Variants in IKZF2 observed in about 807,000 individuals in gnomAD.
The protein encoded by IKZF2 is IKAROS family zinc finger 2.
A neutral mutation model predicts 49.2 loss-of-function variants in IKZF2; 15 were observed. The observed-to-expected ratio is 0.30, with a 90% CI of 0.20 to 0.47. IKZF2 has a LOEUF of 0.47. Ranked by LOEUF, IKZF2 falls within the 20% of genes least tolerant of loss-of-function variation. IKZF2 has a pLI of 1.00. For synonymous variants in IKZF2, 227 were observed against 221.4 expected, an observed-to-expected ratio of 1.03 and a Z score of -0.23; for missense variants, 567 against 664.6, an observed-to-expected ratio of 0.85 and a Z score of 1.61.
chr2:213,121,878 A>C (rs1440851715), intron 4 of IKZF2, among the ~76,000 whole-genome samples: 1 of 152,240 alleles, frequency 6.6e-6, no homozygotes, highest in Non-Finnish European at 1.5e-5. Flanking sequence ...ACAGATGCAC[A>C]AACTCCCTGG....
At chr2:213,043,728 G>T (rs1230358334) in intron 6 of IKZF2, among the ~76,000 whole-genome samples, 2 of 152,114 alleles carry the variant, frequency 1.3e-5, no homozygotes, top group African/African-American at 4.8e-5. Flanking sequence ...TTCACAATAG[G>T]GTGCGTGCCT....
intron 4 of IKZF2, among the ~76,000 whole-genome samples, chr2:213,097,685 G>A (rs1030836343): frequency 6.6e-6 from 1 of 152,056 alleles, no homozygotes; most frequent in African/African-American, 2.4e-5. Flanking sequence ...TATTACGGGT[G>A]ATTGTATCAT....
chr2:213,011,993 G>A (rs1434019384), intron 8 of IKZF2, among the ~76,000 whole-genome samples: 2 of 151,962 alleles, frequency 1.3e-5, no homozygotes, highest in Non-Finnish European at 2.9e-5. Flanking sequence ...AAAAGAGAGG[G>A]AGAGACAAGT....
intron 4 of IKZF2, among the ~76,000 whole-genome samples, chr2:213,132,942 C>T (rs569353218): frequency 2.0e-5 from 3 of 152,258 alleles, no homozygotes; most frequent in East Asian, 3.9e-4. Context: ...TCTTTTCAAA[C>T]AAAAATTCTG....
chr2:213,127,793 A>G (rs1419663563), intron 4 of IKZF2, among the ~76,000 whole-genome samples: 2 of 152,210 alleles, frequency 1.3e-5, no homozygotes, highest in African/African-American at 2.4e-5. Context: ...TCTTTTCTAA[A>G]GAATTATAAC....
At chr2:213,048,358 A>C (rs1429862672) in intron 6 of IKZF2, among the ~76,000 whole-genome samples, 3 of 152,122 alleles carry the variant, frequency 2.0e-5, no homozygotes, top group East Asian at 3.8e-4. Context: ...TGGATGTTTA[A>C]AGTTATTTAT....
At chr2:213,149,789 A>C (rs2061216805) in intron 2 of IKZF2, among the ~76,000 whole-genome samples, 1 of 133,366 alleles carries the variant, frequency 7.5e-6, no homozygotes, top group African/African-American at 3.3e-5. Flanking sequence ...CCCCCCCCCA[A>C]AAAAAAACTT....
chr2:213,102,258 G>A (rs1176495605), intron 4 of IKZF2, among the ~76,000 whole-genome samples: 1 of 152,088 alleles, frequency 6.6e-6, no homozygotes, highest in Non-Finnish European at 1.5e-5. Context: ...ACCAAGGCGT[G>A]GTGCTGTTGG....
At chr2:213,045,997 CA>C (rs1323748816) in intron 6 of IKZF2, among the ~76,000 whole-genome samples, 1 of 152,108 alleles carries the variant, frequency 6.6e-6, no homozygotes, top group Admixed American at 6.6e-5. Flanking sequence ...ATGTCTGTGG[CA>C]AATGGAGATG....
chr2:213,140,966 A>C (rs2060844583), intron 4 of IKZF2, among the ~76,000 whole-genome samples: 1 of 151,992 alleles, frequency 6.6e-6, no homozygotes. Context: ...GTCTATATCC[A>C]TGTGCCTAAT....
chr2:213,080,487 A>G (rs1309865036), intron 4 of IKZF2, among the ~76,000 whole-genome samples: 1 of 152,208 alleles, frequency 6.6e-6, no homozygotes, highest in Non-Finnish European at 1.5e-5. Flanking sequence ...TGCAACTATT[A>G]TAATTCAGAA....
chr2:213,138,244 TG>T (rs2060746348), intron 4 of IKZF2, among the ~76,000 whole-genome samples: 1 of 152,076 alleles, frequency 6.6e-6, no homozygotes, highest in Non-Finnish European at 1.5e-5. Context: ...ATGATGATGG[TG>T]GTGTCATGGA....
intron 4 of IKZF2, among the ~76,000 whole-genome samples, chr2:213,071,385 G>A (rs1225972455): frequency 6.6e-6 from 1 of 152,114 alleles, no homozygotes; most frequent in Non-Finnish European, 1.5e-5. Context: ...CAAAGAATCT[G>A]CAGAGAAAAG....
chr2:213,134,091 C>T (rs16849823), intron 4 of IKZF2, among the ~76,000 whole-genome samples: 30 of 152,268 alleles, frequency 2.0e-4, no homozygotes, highest in South Asian at 1.7e-3. Context: ...TAAAAGCCAA[C>T]CTGAGCCTTC....
intron 1 of IKZF2, among the ~76,000 whole-genome samples, chr2:213,150,925 C>T (rs1294916379): frequency 2.0e-5 from 3 of 148,544 alleles, no homozygotes; most frequent in Non-Finnish European, 3.0e-5. Flanking sequence ...TTTTTAATTC[C>T]AACAGGATCT....
intron 4 of IKZF2, among the ~76,000 whole-genome samples, chr2:213,080,198 A>ATAGATAGG (rs1553571261): frequency 2.0e-5 from 3 of 151,732 alleles, no homozygotes; most frequent in Non-Finnish European, 4.4e-5. Flanking sequence ...AGATAGATAG[A>ATAGATAGG]TAGATAGATA....
intron 4 of IKZF2, among the ~76,000 whole-genome samples, chr2:213,128,956 T>A (rs1317064491): frequency 6.6e-6 from 1 of 151,810 alleles, no homozygotes; most frequent in Non-Finnish European, 1.5e-5. Context: ...CTGGCCAAGA[T>A]AAGGTTTTTT....
intron 6 of IKZF2, among the ~76,000 whole-genome samples, chr2:213,043,207 C>CACAA (rs10694271): frequency 1.3e-5 from 2 of 149,248 alleles, no homozygotes; most frequent in African/African-American, 4.9e-5. Context: ...CACACACACA[C>CACAA]CCCTAGTATT....
intron 6 of IKZF2, among the ~76,000 whole-genome samples, chr2:213,038,913 T>A (rs13417169): frequency 0.36 from 55,131 of 151,996 alleles, 12,413 homozygotes; most frequent in East Asian, 0.67. Context: ...ACTATTTCTA[T>A]GAGATTTAAA....
Sources: gnomAD v4.1 joint callset for allele counts (sites outside exome capture counted in the v4.1 genomes callset) on GRCh38, gnomAD v4.1.1 for gene constraint, MANE v1.5 for transcripts, NCBI Gene and HGNC (gene_info 2026-07-23, HGNC 2026-07-21) for gene names.